FRMD4B: variants seen among roughly 807,000 people sequenced by gnomAD.
FRMD4B encodes the protein FERM domain containing 4B, also known as FERM domain-containing protein 4B.
FRMD4B carries 74 observed loss-of-function variants against 141.5 expected under a neutral mutation model. The ratio of observed to expected loss-of-function variants is 0.52; its 90% CI spans 0.43 to 0.63. The LOEUF (loss-of-function observed/expected upper bound fraction) is 0.63. FRMD4B is among the 30% of genes least tolerant of loss of function. The pLI is 0.00. For synonymous variants in FRMD4B, 506 were observed against 467.9 expected (o/e 1.08, Z -1.05); for missense variants, 1,366 against 1,253.4 (o/e 1.09, Z -1.36).
At chr3:69,419,662 T>C (rs1285618679) in intron 2 of FRMD4B, among the ~76,000 whole-genome samples, 1 of 152,132 alleles carries the variant, frequency 6.6e-6, no homozygotes, top group Admixed American at 6.5e-5. Context: ...AAATCACAGG[T>C]GCCCATGACA....
intron 1 of FRMD4B, among the ~76,000 whole-genome samples, chr3:69,540,685 A>C (rs1701168519): frequency 7.1e-6 from 1 of 139,890 alleles, no homozygotes; most frequent in Non-Finnish European, 1.5e-5. Context: ...ACACACACAC[A>C]CACACACGGC....
At chr3:69,490,080 G>C (rs1324940400) in intron 1 of FRMD4B, among the ~76,000 whole-genome samples, 1 of 152,158 alleles carries the variant, frequency 6.6e-6, no homozygotes, top group Non-Finnish European at 1.5e-5. Context: ...TGGGAGGATG[G>C]GAAGTAACTG....
At chr3:69,183,972 T>G (rs1291063423) in intron 19 of FRMD4B, among the ~76,000 whole-genome samples, 1 of 151,818 alleles carries the variant, frequency 6.6e-6, no homozygotes, top group Non-Finnish European at 1.5e-5. Flanking sequence ...CTCAGCTCAC[T>G]GCAACCTCCA....
At chr3:69,309,210 G>T (rs2107209844) in intron 3 of FRMD4B, among the ~76,000 whole-genome samples, 1 of 151,818 alleles carries the variant, frequency 6.6e-6, no homozygotes, top group East Asian at 1.9e-4. Flanking sequence ...CTGTAGCCTT[G>T]AACTCCTAGG....
chr3:69,351,035 G>T (rs1002247091), intron 1 of FRMD4B, among the ~76,000 whole-genome samples: 9 of 151,820 alleles, frequency 5.9e-5, no homozygotes, highest in Admixed American at 3.9e-4. Flanking sequence ...GACAACAGAA[G>T]TGTGCATACC....
intron 1 of FRMD4B, among the ~76,000 whole-genome samples, chr3:69,378,098 G>A (rs938674780): frequency 2.0e-5 from 3 of 152,008 alleles, no homozygotes; most frequent in African/African-American, 7.3e-5. Flanking sequence ...GGGATTACAG[G>A]CTTCAGTCAC....
At chr3:69,353,859 T>C (rs1417355139) in intron 1 of FRMD4B, among the ~76,000 whole-genome samples, 1 of 152,236 alleles carries the variant, frequency 6.6e-6, no homozygotes. Flanking sequence ...CTATTTCTTT[T>C]GGCCACTCAA....
At chr3:69,235,089 A>C (rs2106651404) in intron 7 of FRMD4B, among the ~76,000 whole-genome samples, 1 of 150,710 alleles carries the variant, frequency 6.6e-6, no homozygotes, top group South Asian at 2.1e-4. Flanking sequence ...GGCGGAGTTT[A>C]CAGTGAGCCA....
chr3:69,510,840 T>G (rs1309564906), intron 1 of FRMD4B, among the ~76,000 whole-genome samples: 1 of 152,206 alleles, frequency 6.6e-6, no homozygotes, highest in African/African-American at 2.4e-5. Context: ...ATGCCTGACC[T>G]TTTCTCATAC....
At chr3:69,253,537 G>A (rs1234411490) in intron 5 of FRMD4B, among the ~76,000 whole-genome samples, 1 of 152,068 alleles carries the variant, frequency 6.6e-6, no homozygotes, top group African/African-American at 2.4e-5. Context: ...GTACTTCATG[G>A]AAACTTATCT....
intron 1 of FRMD4B, among the ~76,000 whole-genome samples, chr3:69,373,945 T>G (rs1292227609): frequency 5.9e-5 from 9 of 152,134 alleles, no homozygotes; most frequent in Admixed American, 1.3e-4. Flanking sequence ...ATTTAGATAA[T>G]CTTGTTTTGT....
chr3:69,505,220 TA>T (rs989879639), intron 1 of FRMD4B, among the ~76,000 whole-genome samples: 1 of 151,166 alleles, frequency 6.6e-6, no homozygotes. Context: ...AAATTAAAAA[TA>T]AAAAAAATAA....
chr3:69,176,661 A>G lies in FRMD4B; in HGVS notation c.2852-5T>C. On this transcript the variant is annotated splice_polypyrimidine_tract_variant and splice_region_variant and intron_variant, in intron 21 of 22. Transcript: ENST00000398540. ...CAGAAGCATTTGTAGAAGACACTGG[A>G]AATAAAAATGGAAAAAGATAAAATT... The G allele has an allele frequency of 2.5e-6, 4 of 1,588,662 alleles. No homozygotes were observed. The highest frequency in any genetic ancestry group is 3.5e-6 in the Non-Finnish European group (4 of 1,159,100).
At chr3:69,310,211 C>T (rs1701531032) in intron 3 of FRMD4B, among the ~76,000 whole-genome samples, 2 of 152,142 alleles carry the variant, frequency 1.3e-5, no homozygotes, top group South Asian at 2.1e-4. Flanking sequence ...CCTGAGCCTG[C>T]TGGCATATTC....
intron 17 of FRMD4B, among the ~76,000 whole-genome samples, 151 bp from the exon 18 acceptor site, chr3:69,190,103 T>A (rs948243874): frequency 1.3e-5 from 2 of 152,222 alleles, no homozygotes; most frequent in African/African-American, 4.8e-5. Context: ...ATAGTAAGAA[T>A]GGACTCATAT....
At chr3:69,422,563 C>A (rs1704999272) in intron 2 of FRMD4B, among the ~76,000 whole-genome samples, 1 of 152,108 alleles carries the variant, frequency 6.6e-6, no homozygotes, top group Non-Finnish European at 1.5e-5. Flanking sequence ...AGTCACCAAA[C>A]TTTTCTATAA....
At position 69,265,624 on chromosome 3, in the gene FRMD4B, T is replaced by C. The variant is rs575398138; in HGVS notation, c.502-15525A>G. On this transcript the variant is annotated intron_variant, in intron 5 of 22. Transcript: ENST00000398540. ...CACCAAGCCCGGCTAATTTTTTGTA[T>C]TTTTAGTAGTGACGGGGTTTCACTG... Among the ~76,000 whole-genome samples the C allele has an allele frequency of 7.7e-4, 117 of 151,568 alleles. 1 individual carries two copies. The highest frequency in any genetic ancestry group is 2.6e-3 in the African/African-American group (106 of 41,340).
chr3:69,410,680 T>G (rs1704738330), intron 2 of FRMD4B, among the ~76,000 whole-genome samples: 2 of 141,814 alleles, frequency 1.4e-5, no homozygotes, highest in African/African-American at 2.6e-5. Context: ...CCTGAAAGGT[T>G]ATGGAACAAG....
At chr3:69,190,406 C>CTTTTT (rs59199350) in intron 17 of FRMD4B, among the ~76,000 whole-genome samples, 1 of 144,482 alleles carries the variant, frequency 6.9e-6, no homozygotes. Flanking sequence ...AAGAAAAGGC[C>CTTTTT]TTTTTTTTTT....
Sources: gnomAD v4.1 joint callset for allele counts (sites outside exome capture counted in the v4.1 genomes callset) on GRCh38, gnomAD v4.1.1 for gene constraint, MANE v1.5 for transcripts, NCBI Gene and HGNC (gene_info 2026-07-23, HGNC 2026-07-21) for gene names.